Variants in PTPRA observed in about 807,000 individuals in gnomAD.
PTPRA encodes protein tyrosine phosphatase receptor type A.
Under a neutral mutation model 104.8 loss-of-function variants are expected in PTPRA, and 25 were observed. The observed-to-expected ratio is 0.24, with a 90% CI of 0.17 to 0.33. PTPRA has a LOEUF of 0.33. PTPRA is among the 10% of genes least tolerant of loss of function. The probability of loss-of-function intolerance (pLI) is 1.00; values close to 1 mark genes in which losing one functional copy is unlikely to be tolerated. For synonymous variants in PTPRA, 323 were observed against 368.9 expected (o/e 0.88, Z 1.43); for missense variants, 765 against 1,015.3 (o/e 0.75, Z 3.35).
intron 9 of PTPRA, among the ~76,000 whole-genome samples, chr20:3,001,155 C>T (rs531772304): frequency 1.4e-4 from 22 of 152,318 alleles, no homozygotes; most frequent in African/African-American, 5.3e-4. Flanking sequence ...GCTGCTCCTT[C>T]CTAGCTCTGT....
chr20:2,958,676 A>AAG (rs2061627923), intron 3 of PTPRA, among the ~76,000 whole-genome samples: 1 of 149,196 alleles, frequency 6.7e-6, no homozygotes, highest in Non-Finnish European at 1.5e-5. Context: ...AAAAAAAAAA[A>AAG]AAAAAAAAAG....
At position 2,964,913 on chromosome 20, in the gene PTPRA, A is replaced by G. The variant is rs374149621; in HGVS notation, c.126A>G (p.Pro42=). The G allele has an allele frequency of 1.5e-4, 247 of 1,614,056 alleles. No individual in the cohort carries two copies. The highest frequency in any genetic ancestry group is 2.0e-4 in the Non-Finnish European group (236 of 1,180,000). ...TAATTAACTCATCAACGGCAGAACC[A>G]GTTAAAGAAGAGGCCAAAACTTCAA... The part of the protein sequence containing the change: ...TRLINSSTAE[P]VKEEAKTSNP... Residue 42 remains proline (P), a synonymous_variant, in exon 5 of 24, where the codon CCA becomes CCG. Coordinates refer to ENST00000399903, the MANE Select transcript of PTPRA (RefSeq NM_001385305.1).
chr20:2,989,217 G>A (rs1226607081), intron 9 of PTPRA, among the ~76,000 whole-genome samples: 1 of 151,714 alleles, frequency 6.6e-6, no homozygotes, highest in Non-Finnish European at 1.5e-5. Context: ...GGCACATCAC[G>A]AGGTCAAGAG....
chr20:2,865,064 C>G, the PTPRA span: 1 of 1,614,174 alleles, frequency 6.2e-7, no homozygotes, highest in East Asian at 2.2e-5. This position sits in a 1 kb window ranked among gnomAD's most constrained non-coding sequence, Gnocchi z 5.2. Context: ...AGGTTTGGCC[C>G]ACCTTTTTCC....
chr20:2,964,458 T>A, intron 4 of PTPRA, 108 bp downstream of exon 4: 1 of 1,008,354 alleles, frequency 9.9e-7, no homozygotes, highest in Non-Finnish European at 1.5e-6. Flanking sequence ...AATATAAAAA[T>A]TTTATTCAAA....
intron 11 of PTPRA, among the ~76,000 whole-genome samples, chr20:3,007,714 A>G (rs775173833): frequency 5.9e-5 from 9 of 152,206 alleles, no homozygotes; most frequent in Non-Finnish European, 1.3e-4. Flanking sequence ...AATTACAAAC[A>G]AAAGCAGGCC....
chr20:2,896,276 G>T (rs1490216758), intron 1 of PTPRA, among the ~76,000 whole-genome samples: 1 of 152,194 alleles, frequency 6.6e-6, no homozygotes, highest in African/African-American at 2.4e-5. Context: ...CTACTAGGGA[G>T]GCTGAGGCAG....
Position 2,947,969 on chromosome 20 carries a change from TC to T in PTPRA, c.-49-12del, listed in dbSNP as rs775876394. On this transcript the variant is annotated splice_polypyrimidine_tract_variant and intron_variant, in intron 2 of 23. Transcript: ENST00000399903. The stretch of plus-strand genomic sequence containing the variant: ...TACTCCTAATTAACTGTTTTTTATT[TC>T]TTTTTTTCTAGGACACATGTTCAAA... 12 of 1,059,112 alleles carry T rather than the reference TC, an allele frequency of 1.1e-5. No individual in the cohort carries two copies. Among genetic ancestry groups the T allele is most frequent in the Middle Eastern group, 2.5e-4 (1 of 3,982 alleles). The allele number at this position is 1,059,112 out of a possible 1,614,324, so 65.6% of individuals were successfully genotyped here.
intron 3 of PTPRA, among the ~76,000 whole-genome samples, chr20:2,954,918 TAC>T (rs2061483319): frequency 6.6e-6 from 1 of 152,230 alleles, no homozygotes; most frequent in African/African-American, 2.4e-5. Flanking sequence ...CGTGTAGATA[TAC>T]AGTTTTCTGA....
chr20:2,959,131 A>G (rs1444507635), intron 3 of PTPRA, among the ~76,000 whole-genome samples: 2 of 152,194 alleles, frequency 1.3e-5, no homozygotes, highest in East Asian at 1.9e-4. Flanking sequence ...GTCTATGGAT[A>G]TAGTACCTGT....
At chr20:2,940,557 A>T (rs541558984) in intron 2 of PTPRA, among the ~76,000 whole-genome samples, 1 of 152,268 alleles carries the variant, frequency 6.6e-6, no homozygotes, top group South Asian at 2.1e-4. Context: ...AGACAAGCTC[A>T]GAATAGGTTT....
intron 1 of PTPRA, among the ~76,000 whole-genome samples, chr20:2,896,558 A>G (rs1453123906): frequency 1.3e-5 from 2 of 152,138 alleles, no homozygotes; most frequent in African/African-American, 2.4e-5. Flanking sequence ...CCATCTATGT[A>G]ATTTTTCTGA....
intron 9 of PTPRA, among the ~76,000 whole-genome samples, chr20:3,003,563 G>A (rs142117353): frequency 6.6e-6 from 1 of 152,080 alleles, no homozygotes; most frequent in Non-Finnish European, 1.5e-5. Flanking sequence ...TGTTTTTATA[G>A]TGTCAGAGTC....
chr20:2,992,728 A>G (rs1251969678), intron 9 of PTPRA, among the ~76,000 whole-genome samples: 1 of 152,108 alleles, frequency 6.6e-6, no homozygotes, highest in Non-Finnish European at 1.5e-5. Context: ...AGAGCTCCAT[A>G]CAATCTACCA....
At chr20:2,994,370 CTTTCCG>C (rs1167995734) in intron 9 of PTPRA, among the ~76,000 whole-genome samples, 1 of 152,204 alleles carries the variant, frequency 6.6e-6, no homozygotes, top group Non-Finnish European at 1.5e-5. Flanking sequence ...TGGAAAGCTA[CTTTCCG>C]TTTCCATTAC....
chr20:3,020,015 A>G (rs1238468111), intron 13 of PTPRA, among the ~76,000 whole-genome samples: 3 of 150,976 alleles, frequency 2.0e-5, no homozygotes, highest in African/African-American at 7.3e-5. Flanking sequence ...GTGAGCCGAG[A>G]TGGCAGCAGT....
At chr20:3,032,010 G>A (rs1034284943) in intron 20 of PTPRA, among the ~76,000 whole-genome samples, 1 of 152,120 alleles carries the variant, frequency 6.6e-6, no homozygotes, top group Non-Finnish European at 1.5e-5. Context: ...GAGGTAATTG[G>A]TGCCACCTAG....
chr20:2,989,576 C>T lies in PTPRA; in HGVS notation c.738+1102C>T, dbSNP rs558696861. On this transcript the variant is annotated intron_variant, in intron 9 of 23. Transcript: ENST00000399903. ...CAGGAGTGAGTGTGCTGAAGGAGGG[C>T]ACACCCAGAACATGACAGGGCTGTG... is the stretch of plus-strand genomic sequence containing the variant. Among the ~76,000 whole-genome samples, 13 of 152,258 alleles carry T rather than the reference C, an allele frequency of 8.5e-5. No individual in the cohort carries two copies. The South Asian group carries it at 2.7e-3, about 32-fold the overall frequency.
chr20:3,028,191 G>T (rs1280972840), intron 20 of PTPRA, among the ~76,000 whole-genome samples: 1 of 151,952 alleles, frequency 6.6e-6, no homozygotes, highest in Non-Finnish European at 1.5e-5. Context: ...GGCGGGGGGG[G>T]CACCCTCTCC....
Sources: gnomAD v4.1 joint callset for allele counts (sites outside exome capture counted in the v4.1 genomes callset) on GRCh38, gnomAD v4.1.1 for gene constraint, Gnocchi (gnomAD v3.1) non-coding constraint, MANE v1.5 for transcripts, NCBI Gene and HGNC (gene_info 2026-07-23, HGNC 2026-07-21) for gene names.